FBXW4: variants seen among roughly 807,000 people sequenced by gnomAD.
FBXW4 encodes the protein F-box and WD repeat domain containing 4, also known as F-box/WD repeat-containing protein 4.
In FBXW4, 40 loss-of-function variants were observed where a neutral mutation model predicts 61.8. The ratio of observed to expected loss-of-function variants is 0.65; its 90% confidence interval spans 0.50 to 0.84. FBXW4 has a LOEUF of 0.84. Ranked by LOEUF, FBXW4 falls within the 40% of genes least tolerant of loss-of-function variation. FBXW4 has a pLI of 0.00. For missense variants in FBXW4, 672 were observed against 753.8 expected (o/e 0.89, Z 1.27); for synonymous variants, 311 against 313.8 (o/e 0.99, Z 0.10).
rs184695522 is a variant in FBXW4, at chr10:101,631,353, T to C, written c.1236-6543A>G. 3.3e-5 allele frequency among the ~76,000 whole-genome samples: 5 copies of C among 152,196 alleles called. No homozygotes were observed. In the East Asian group the frequency reaches 9.7e-4, roughly 29 times the overall value. Reference sequence around the variant, plus strand: ...ATCTACTTAATGGAATATTATACAGTCCTTTTAAATGATGTTCCCAAATAA... The same window carrying C: ...ATCTACTTAATGGAATATTATACAGCCCTTTTAAATGATGTTCCCAAATAA... On this transcript the variant is annotated intron_variant, in intron 5 of 8. Coordinates refer to ENST00000331272, the MANE Select transcript of FBXW4 (RefSeq NM_022039.4).
intron 5 of FBXW4, among the ~76,000 whole-genome samples, chr10:101,653,263 G>A (rs1300166094): frequency 6.6e-6 from 1 of 152,116 alleles, no homozygotes; most frequent in Non-Finnish European, 1.5e-5. Context: ...GTGTATTCCT[G>A]GAAAAGAACA....
intron 1 of FBXW4, among the ~76,000 whole-genome samples, chr10:101,684,806 A>C (rs1387205830): frequency 6.6e-6 from 1 of 152,240 alleles, no homozygotes; most frequent in Non-Finnish European, 1.5e-5. Flanking sequence ...AACAAAATTA[A>C]TAAAAAATCT....
intron 5 of FBXW4, among the ~76,000 whole-genome samples, chr10:101,635,802 C>A (rs1349005361): frequency 6.7e-6 from 1 of 150,064 alleles, no homozygotes. Flanking sequence ...GATTACACCA[C>A]TGTACTCCAA....
Position 101,694,309 on chromosome 10 carries a change from G to A in FBXW4, c.725+72C>T. The A allele has an allele frequency of 7.6e-7, 1 of 1,308,990 alleles. No homozygotes were observed. Among genetic ancestry groups the A allele is most frequent in the Non-Finnish European group, 9.7e-7 (1 of 1,025,734 alleles). 81.1% of individuals were successfully genotyped at this position (1,308,990 alleles called of 1,614,324 possible). On this transcript the variant is annotated intron_variant, in intron 1 of 8. Coordinates refer to ENST00000331272, the MANE Select transcript of FBXW4 (RefSeq NM_022039.4). The surrounding 1 kb of genome is among the most constrained non-coding windows in gnomAD (Gnocchi z 6.0). ...GACACGACCCTGGGCCGACCAGGCC[G>A]CGGCGCCCCGCCCTTTCCCGGGACG...
At position 101,612,385 on chromosome 10, in the gene FBXW4, C is replaced by G; in HGVS notation, c.1394G>C (p.Cys465Ser). ...GTAGCGAACATAGGTGTCATAGCCACAGGACAGCAGTGTGAAAGGGGACTC... is the reference window on the plus strand; with the variant it reads ...GTAGCGAACATAGGTGTCATAGCCAGAGGACAGCAGTGTGAAAGGGGACTC... ...MYESPFTLLS[C>S]GYDTYVRYWD... Residue 465 changes from cysteine to serine, a missense_variant, in exon 7 of 9, where the codon TGT becomes TCT. Transcript: ENST00000331272. 6.3e-7 allele frequency: 1 copy of G among 1,599,070 alleles called. No individual in the cohort carries two copies. Among genetic ancestry groups the G allele is most frequent in the Non-Finnish European group, 8.5e-7 (1 of 1,172,282 alleles).
chr10:101,637,954 G>T (rs1490533211), intron 5 of FBXW4, among the ~76,000 whole-genome samples: 1 of 152,016 alleles, frequency 6.6e-6, no homozygotes, highest in Non-Finnish European at 1.5e-5. Flanking sequence ...TCAAAAAACG[G>T]ATATTACCCA....
At position 101,611,724 on chromosome 10, in the gene FBXW4, G is replaced by A. The variant is rs370764431; in HGVS notation, c.1488C>T (p.Tyr496=). Residue 496 remains tyrosine (Y), a synonymous_variant, in exon 8 of 9, where the codon TAC becomes TAT. Coordinates refer to ENST00000331272, the MANE Select transcript of FBXW4 (RefSeq NM_022039.4). The surrounding 1 kb of genome is among the most constrained non-coding windows in gnomAD (Gnocchi z 4.9). The stretch of plus-strand genomic sequence containing the variant: ...GGTGGTTGCCATCTGTCTGCAGGCA[G>A]TACAGGGTGCTGTCGTGGGGCTCCT... The part of the protein sequence containing the change: ...EWEEPHDSTL[Y]CLQTDGNHLL... 14 of 1,614,192 alleles carry A rather than the reference G, an allele frequency of 8.7e-6. No individual in the cohort carries two copies. Among genetic ancestry groups the A allele is most frequent in the Non-Finnish European group, 1.1e-5 (13 of 1,180,036 alleles).
At chr10:101,672,795 T>C in intron 4 of FBXW4, 120 bp downstream of exon 4, 1 of 1,206,918 alleles carries the variant, frequency 8.3e-7, no homozygotes, top group African/African-American at 1.5e-5. Flanking sequence ...TCCTTTATTG[T>C]GTCGTTTTCT....
Position 101,611,217 on chromosome 10 carries a change from A to G in FBXW4, c.*74T>C, listed in dbSNP as rs2063778502. On this transcript the variant is annotated 3_prime_UTR_variant, in exon 9 of 9. Coordinates refer to ENST00000331272, the MANE Select transcript of FBXW4 (RefSeq NM_022039.4). The surrounding 1 kb of genome is among the most constrained non-coding windows in gnomAD (Gnocchi z 4.9). ...AGTGGGGCAGTGAGGAGGAGCTATC[A>G]CTGCACCCTCCAGGCAAGAGAAGTC... 2 of 1,561,288 alleles carry G rather than the reference A, an allele frequency of 1.3e-6. No homozygotes were observed. Among genetic ancestry groups the G allele is most frequent in the African/African-American group, 2.7e-5 (2 of 73,836 alleles).
At chr10:101,633,643 T>C (rs2134831601) in intron 5 of FBXW4, among the ~76,000 whole-genome samples, 1 of 152,154 alleles carries the variant, frequency 6.6e-6, no homozygotes, top group Middle Eastern at 3.4e-3. Context: ...TATATACACA[T>C]AGCACACACC....
intron 5 of FBXW4, among the ~76,000 whole-genome samples, chr10:101,635,446 A>T (rs118157710): frequency 0.088 from 13,411 of 152,104 alleles, 677 homozygotes; most frequent in African/African-American, 0.14. Flanking sequence ...CTATGGAAAA[A>T]TTGAAAACTG....
chr10:101,669,962 A>T (rs2064343810), intron 4 of FBXW4, among the ~76,000 whole-genome samples: 1 of 151,946 alleles, frequency 6.6e-6, no homozygotes, highest in African/African-American at 2.4e-5. Context: ...TTGCTGTGTT[A>T]GCCAGGATGG....
intron 5 of FBXW4, among the ~76,000 whole-genome samples, chr10:101,629,857 T>G (rs1272703233): frequency 1.3e-5 from 2 of 152,002 alleles, no homozygotes; most frequent in African/African-American, 4.8e-5. Context: ...AATGGACAAA[T>G]GAACAAATGA....
chr10:101,663,354 A>G lies in FBXW4; in HGVS notation c.1235+4532T>C, dbSNP rs146166302. Among the ~76,000 whole-genome samples the G allele has an allele frequency of 2.0e-5, 3 of 152,326 alleles. No homozygotes were observed. In the East Asian group the frequency reaches 5.8e-4, roughly 29 times the overall value. On this transcript the variant is annotated intron_variant, in intron 5 of 8. Transcript: ENST00000331272. Reference sequence around the variant, plus strand: ...AGTAAATACACAAGGAGTGAGGTGAAAGGGTGAGAAGGGAAGAGATGGAAA... The same window carrying G: ...AGTAAATACACAAGGAGTGAGGTGAGAGGGTGAGAAGGGAAGAGATGGAAA...
chr10:101,689,281 C>A lies in FBXW4; in HGVS notation c.725+5100G>T, dbSNP rs117762261. ...TGCCTTGAAAGCTAGAAAATTCAGCCCCTACCATTCAAGTTTTACAAGACT... is the reference window on the plus strand; with the variant it reads ...TGCCTTGAAAGCTAGAAAATTCAGCACCTACCATTCAAGTTTTACAAGACT... On this transcript the variant is annotated intron_variant, in intron 1 of 8. Coordinates refer to ENST00000331272, the MANE Select transcript of FBXW4 (RefSeq NM_022039.4). Among the ~76,000 whole-genome samples the A allele has an allele frequency of 6.2e-4, 94 of 152,278 alleles. 1 individual carries two copies. In the East Asian group the frequency reaches 0.018, roughly 29 times the overall value.
intron 5 of FBXW4, among the ~76,000 whole-genome samples, chr10:101,665,531 C>T (rs914943618): frequency 1.3e-5 from 2 of 152,160 alleles, no homozygotes; most frequent in South Asian, 2.1e-4. Context: ...AGATGAGACA[C>T]ATCGAGACCT....
chr10:101,625,451 G>A (rs2063900198), intron 5 of FBXW4: 1 of 152,490 alleles, frequency 6.6e-6, no homozygotes, highest in Admixed American at 6.5e-5. Context: ...AGTGGGATGG[G>A]AGTCCGCCAG....
chr10:101,615,295 G>A (rs1318727902), intron 6 of FBXW4, among the ~76,000 whole-genome samples: 1 of 152,016 alleles, frequency 6.6e-6, no homozygotes, highest in African/African-American at 2.4e-5. Context: ...TCACTATAGA[G>A]GGCCAGACAA....
intron 6 of FBXW4, among the ~76,000 whole-genome samples, chr10:101,623,761 T>C (rs544653889): frequency 1.3e-5 from 2 of 152,366 alleles, no homozygotes; most frequent in South Asian, 2.1e-4. Flanking sequence ...GAATGCACTA[T>C]TGATACATGC....
Sources: allele counts gnomAD v4.1 joint callset (sites outside exome capture counted in the v4.1 genomes callset), GRCh38; gene constraint gnomAD v4.1.1; non-coding constraint Gnocchi (gnomAD v3.1); transcripts MANE v1.5; gene names NCBI Gene and HGNC (gene_info 2026-07-23, HGNC 2026-07-21).